BCL9: variants seen among roughly 807,000 people sequenced by gnomAD.
The protein encoded by BCL9 is BCL9 transcription coactivator.
Under a neutral mutation model 88.5 loss-of-function variants are expected in BCL9, and 25 were observed. The observed-to-expected ratio is 0.28, with a 90% CI of 0.21 to 0.39. The LOEUF (loss-of-function observed/expected upper bound fraction) is 0.39, where lower values mean the gene tolerates loss of function less well. Among genes scored for constraint, BCL9 ranks in the 10% least tolerant of loss-of-function variants. The pLI, the probability that BCL9 is intolerant of heterozygous loss-of-function variation, is 1.00. For missense variants in BCL9, 1,817 were observed against 1,877.8 expected (o/e 0.97, Z 0.60); for synonymous variants, 711 against 673.3 (o/e 1.06, Z -0.87).
At chr1:147,559,073 T>A (rs1655249131) in intron 1 of BCL9, among the ~76,000 whole-genome samples, 1 of 152,146 alleles carries the variant, frequency 6.6e-6, no homozygotes, top group African/African-American at 2.4e-5. Flanking sequence ...TTATCACTTT[T>A]GAAATTTGTC....
intron 6 of BCL9, 141 bp downstream of exon 6, chr1:147,614,757 C>T: frequency 1.1e-6 from 1 of 913,376 alleles, no homozygotes; most frequent in Non-Finnish European, 1.6e-6. Flanking sequence ...CCCAAACTCC[C>T]CCAGAGGCAA....
chr1:147,567,583 A>T (rs1216896891), intron 1 of BCL9, among the ~76,000 whole-genome samples: 1 of 152,222 alleles, frequency 6.6e-6, no homozygotes, highest in African/African-American at 2.4e-5. Context: ...AGGTATGCTG[A>T]ACAATTAATG....
intron 1 of BCL9, among the ~76,000 whole-genome samples, chr1:147,565,835 T>C (rs1373720265): frequency 1.4e-4 from 22 of 152,140 alleles, no homozygotes; most frequent in African/African-American, 5.1e-4. Flanking sequence ...TTGACATAGC[T>C]CTTGGGACAT....
chr1:147,565,369 A>G (rs1479636248), intron 1 of BCL9, among the ~76,000 whole-genome samples: 4 of 152,244 alleles, frequency 2.6e-5, no homozygotes, highest in African/African-American at 9.6e-5. Context: ...GGAGGCTTAC[A>G]TTCCTCTCAC....
intron 7 of BCL9, among the ~76,000 whole-genome samples, chr1:147,618,339 C>G (rs904487691): frequency 6.6e-6 from 1 of 152,128 alleles, no homozygotes; most frequent in Non-Finnish European, 1.5e-5. Context: ...AAGTGACTTA[C>G]GCTTTCTCTC....
chr1:147,551,582 G>C (rs1654907925), intron 1 of BCL9, among the ~76,000 whole-genome samples: 1 of 152,186 alleles, frequency 6.6e-6, no homozygotes, highest in Non-Finnish European at 1.5e-5. Flanking sequence ...AGGCGGAGAG[G>C]TCATAAGGGC....
chr1:147,570,641 T>TTTTC (rs1655842148), intron 1 of BCL9, among the ~76,000 whole-genome samples: 4 of 10,834 alleles, frequency 3.7e-4, no homozygotes, highest in Admixed American at 3.3e-3. Flanking sequence ...TTTTTTTTCT[T>TTTTC]TTTTTTTTTT....
chr1:147,612,604 A>G (rs1336230898), intron 4 of BCL9, among the ~76,000 whole-genome samples: 1 of 152,130 alleles, frequency 6.6e-6, no homozygotes, highest in Non-Finnish European at 1.5e-5. Context: ...GTACATAGAA[A>G]CCGTTGTCCT....
chr1:147,577,800 G>A (rs1211101708), intron 1 of BCL9, among the ~76,000 whole-genome samples: 14 of 151,046 alleles, frequency 9.3e-5, no homozygotes, highest in African/African-American at 3.4e-4. Flanking sequence ...TACCATCCAA[G>A]CTTTGGAGCA....
intron 1 of BCL9, among the ~76,000 whole-genome samples, chr1:147,595,207 G>T (rs1029678540): frequency 2.0e-5 from 3 of 152,230 alleles, no homozygotes; most frequent in Non-Finnish European, 2.9e-5. Context: ...AGCAAGGTCT[G>T]GTTGACCAGA....
intron 1 of BCL9, among the ~76,000 whole-genome samples, chr1:147,602,631 A>G (rs1024064980): frequency 2.6e-5 from 4 of 152,250 alleles, no homozygotes; most frequent in Non-Finnish European, 4.4e-5. Context: ...GTTAATAACC[A>G]TGTTGAATAT....
intron 1 of BCL9, among the ~76,000 whole-genome samples, chr1:147,571,949 G>A (rs587762256): frequency 2.0e-5 from 3 of 152,192 alleles, no homozygotes; most frequent in South Asian, 2.1e-4. Flanking sequence ...CCCTGTTTGG[G>A]TATAAGAGAT....
At position 147,624,902 on chromosome 1, in the gene BCL9, C is replaced by T. The variant is rs137949316; in HGVS notation, c.4224C>T (p.Asp1408=). Reference sequence around the variant, plus strand: ...TGAGGCCCCGGGGCATGGCTGCTGACGTGGGCATGGGTGGATTTAGCCAAG... The same window carrying T: ...TGAGGCCCCGGGGCATGGCTGCTGATGTGGGCATGGGTGGATTTAGCCAAG... ...PQMRPRGMAA[D]VGMGGFSQGP... is the part of the protein sequence containing the mutation. Residue 1408 remains aspartate, a synonymous_variant, in exon 10 of 10, where the codon GAC becomes GAT. Transcript: ENST00000234739. This position sits in a 1 kb window ranked among gnomAD's most constrained non-coding sequence, Gnocchi z 4.4. The T allele has an allele frequency of 4.0e-5, 65 of 1,613,798 alleles. No individual in the cohort carries two copies. The highest frequency in any genetic ancestry group is 4.7e-5 in the Non-Finnish European group (56 of 1,179,860).
chr1:147,601,588 TG>T, intron 1 of BCL9, among the ~76,000 whole-genome samples: 1 of 151,910 alleles, frequency 6.6e-6, no homozygotes, highest in African/African-American at 2.4e-5. Flanking sequence ...AAGACTCATG[TG>T]GGTTTAGAAC....
At chr1:147,607,387 G>C (rs141219755) in intron 3 of BCL9, among the ~76,000 whole-genome samples, 70 of 152,290 alleles carry the variant, frequency 4.6e-4, no homozygotes, top group African/African-American at 1.5e-3. Context: ...AGGCACTATA[G>C]TAATTGCTGT....
At chr1:147,570,551 G>A (rs72698278) in intron 1 of BCL9, among the ~76,000 whole-genome samples, 3,362 of 151,686 alleles carry the variant, frequency 0.022, 55 homozygotes, top group Non-Finnish European at 0.036. Context: ...TACACTCTCT[G>A]CCTTTTGCTT....
At position 147,622,292 on chromosome 1, in the gene BCL9, C is replaced by T. The variant is rs373606743; in HGVS notation, c.2924C>T (p.Ala975Val). The change falls in exon 9 of 10, where the codon GCC (alanine) becomes GTC (valine). Residue 975 changes from alanine to valine, a missense_variant. By Grantham distance (64) the Ala-to-Val change is moderately conservative (BLOSUM62 0). This residue lies in a region of BCL9 where 589 missense variants were observed against 686.2 expected (regional missense o/e 0.86). Transcript: ENST00000234739. ...TTAGGTGGCCCCCCACCTCCTACAG[C>T]CAGCCAGCCTGCCTCTGTGAATATC... Reference protein sequence around the residue: ...VESGGPPPPTASQPASVNIPG... With the variant: ...VESGGPPPPTVSQPASVNIPG... The T allele has an allele frequency of 4.3e-6, 7 of 1,614,106 alleles. No individual in the cohort carries two copies. Among genetic ancestry groups the T allele is most frequent in the South Asian group, 3.3e-5 (3 of 91,094 alleles).
At chr1:147,550,339 T>A (rs1363021803) in intron 1 of BCL9, among the ~76,000 whole-genome samples, 1 of 152,130 alleles carries the variant, frequency 6.6e-6, no homozygotes, top group African/African-American at 2.4e-5. Context: ...ACAGCTAATA[T>A]AAGCCCATTA....
intron 1 of BCL9, among the ~76,000 whole-genome samples, chr1:147,566,617 G>A (rs587709193): frequency 1.3e-5 from 2 of 152,068 alleles, no homozygotes; most frequent in South Asian, 4.2e-4. Context: ...TTAGCCGGGC[G>A]TGGTGGCGGG....
Sources: gnomAD v4.1 joint callset for allele counts (sites outside exome capture counted in the v4.1 genomes callset) on GRCh38, gnomAD v4.1.1 for gene constraint, gnomAD v4.1.1 regional missense constraint, Gnocchi (gnomAD v3.1) non-coding constraint, MANE v1.5 for transcripts, NCBI Gene and HGNC (gene_info 2026-07-23, HGNC 2026-07-21) for gene names.